The following WDR35 variants were observed in gnomAD, a reference collection of about 807,000 sequenced individuals.
WDR35 encodes the protein WD repeat domain 35, also known as WD repeat-containing protein 35.
WDR35 carries 118 observed loss-of-function variants against 158.3 expected under a neutral mutation model. That is an observed-to-expected ratio of 0.75 (90% CI 0.64 to 0.87). The LOEUF (loss-of-function observed/expected upper bound fraction) is 0.87, where lower values mean the gene tolerates loss of function less well. Ranked by LOEUF, WDR35 falls within the 40% of genes least tolerant of loss-of-function variation. The pLI is 0.00. For missense variants in WDR35, 1,263 were observed against 1,405.8 expected, an observed-to-expected ratio of 0.90 and a Z score of 1.62; for synonymous variants, 448 against 476.1, an observed-to-expected ratio of 0.94 and a Z score of 0.77.
At chr2:19,943,909 T>C (rs1670954487) in intron 16 of WDR35, among the ~76,000 whole-genome samples, 1 of 152,100 alleles carries the variant, frequency 6.6e-6, no homozygotes, top group African/African-American at 2.4e-5. Context: ...TAGATAAAGG[T>C]ATGAATCTAG....
chr2:19,936,407 A>T, intron 19 of WDR35, 42 bp from the exon 20 acceptor site: 1 of 1,613,358 alleles, frequency 6.2e-7, no homozygotes, highest in Non-Finnish European at 8.5e-7. Flanking sequence ...TCTATTTGAC[A>T]AATATTTACC....
intron 4 of WDR35, among the ~76,000 whole-genome samples, chr2:19,979,455 G>A (rs1001793337): frequency 3.3e-5 from 5 of 152,114 alleles, no homozygotes; most frequent in African/African-American, 1.2e-4. Flanking sequence ...CTACATTAGT[G>A]ACACGACATC....
Position 19,941,802 on chromosome 2 carries a change from T to C in WDR35, c.1883A>G (p.Glu628Gly). Reference protein sequence around the residue: ...IQTSGYICNFEDLEIKSVLLD... With the variant: ...IQTSGYICNFGDLEIKSVLLD... The stretch of plus-strand genomic sequence containing the variant: ...AAGAACAGATTTAATTTCTAAATCC[T>C]CAAAATTACAAATATATCCAGAGGT... Residue 628 changes from glutamate (E) to glycine (G), a missense_variant, in exon 17 of 27, where the codon GAG becomes GGG. Coordinates refer to ENST00000281405, the MANE Select transcript of WDR35 (RefSeq NM_020779.4). 1 of 1,574,998 alleles carries C rather than the reference T, an allele frequency of 6.3e-7. No individual in the cohort carries two copies. The highest frequency in any genetic ancestry group is 8.7e-7 in the Non-Finnish European group (1 of 1,152,818).
chr2:19,955,253 T>C (rs1671390529), intron 11 of WDR35, among the ~76,000 whole-genome samples: 2 of 152,182 alleles, frequency 1.3e-5, no homozygotes, highest in Non-Finnish European at 2.9e-5. Flanking sequence ...CCTGGCCACA[T>C]CTTATATTTC....
intron 16 of WDR35, among the ~76,000 whole-genome samples, chr2:19,945,337 A>G (rs1671012143): frequency 6.6e-6 from 1 of 152,218 alleles, no homozygotes; most frequent in Non-Finnish European, 1.5e-5. Context: ...TGGTAAATGT[A>G]AATATAAATA....
intron 11 of WDR35, among the ~76,000 whole-genome samples, chr2:19,957,894 C>T (rs1671499818): frequency 6.6e-6 from 1 of 152,156 alleles, no homozygotes; most frequent in Non-Finnish European, 1.5e-5. Flanking sequence ...CTTTCATTAA[C>T]TGAACTTTGT....
chr2:19,925,186 G>A (rs1670317708), intron 25 of WDR35, among the ~76,000 whole-genome samples: 1 of 152,210 alleles, frequency 6.6e-6, no homozygotes, highest in Non-Finnish European at 1.5e-5. Context: ...GGGACAATAG[G>A]ATTACTTTTA....
At chr2:19,930,088 G>GTA (rs1476546234) in intron 25 of WDR35, among the ~76,000 whole-genome samples, 1 of 149,972 alleles carries the variant, frequency 6.7e-6, no homozygotes, top group Non-Finnish European at 1.5e-5. Context: ...ATAGATATAT[G>GTA]TATATATATT....
At chr2:19,960,529 G>T (rs368439301) in intron 11 of WDR35, 25 bp downstream of exon 11, 8 of 1,568,516 alleles carry the variant, frequency 5.1e-6, no homozygotes, top group Middle Eastern at 1.7e-4. Flanking sequence ...GATTGGAAAA[G>T]AAATAAATAT....
In WDR35 at chr2:19,937,873, C is replaced by T. The variant is rs778732776; in HGVS notation, c.2137G>A (p.Asp713Asn). 26 of 1,614,050 alleles carry T rather than the reference C, an allele frequency of 1.6e-5. No individual in the cohort carries two copies. Among genetic ancestry groups the T allele is most frequent in the Admixed American group, 3.3e-5 (2 of 59,976 alleles). Residue 713 changes from aspartate to asparagine, a missense_variant, in exon 19 of 27, where the codon GAT (aspartate) becomes AAT (asparagine). Physicochemically the swap from Asp to Asn is conservative, Grantham distance 23. Transcript: ENST00000281405. ...TTCACAAACTTAATGCCTTGGTAAT[C>T]TTTGCAGCGCACAAATGCTTGCTCT... is the stretch of plus-strand genomic sequence containing the variant. The part of the protein sequence containing the change: ...TAEQAFVRCK[D>N]YQGIKFVKRL...
In WDR35 at chr2:19,954,032, T is replaced by C. The variant is rs16987251; in HGVS notation, c.1256-54A>G. 3.9e-3 allele frequency: 6,263 copies of C among 1,605,482 alleles called. 190 individuals carry two copies. The African/African-American group carries it at 0.071, about 18-fold the overall frequency. On this transcript the variant is annotated intron_variant, in intron 11 of 26. Coordinates refer to ENST00000281405, the MANE Select transcript of WDR35 (RefSeq NM_020779.4). ...CAGTTACACAGAATTGCAGAATGCT[T>C]GTGCTGCAAAGGCCTTTAGTAATCA... is the stretch of plus-strand genomic sequence containing the variant.
chr2:19,960,848 CTG>C lies in WDR35; in HGVS notation c.1195-236_1195-235del, dbSNP rs913801465. 3.7e-4 allele frequency among the ~76,000 whole-genome samples: 57 copies of C among 152,258 alleles called. 1 individual carries two copies. In the Middle Eastern group the frequency reaches 0.014, roughly 36 times the overall value. On this transcript the variant is annotated intron_variant, in intron 10 of 26. Coordinates refer to ENST00000281405, the MANE Select transcript of WDR35 (RefSeq NM_020779.4). ...GCTGCTTTCTCAATGTAATGGAACA[CTG>C]TGGTTTTTAAGAAGACACAAGAAAC...
At chr2:19,932,027 A>C (rs1057340005) in intron 23 of WDR35, among the ~76,000 whole-genome samples, 2 of 152,146 alleles carry the variant, frequency 1.3e-5, no homozygotes, top group African/African-American at 4.8e-5. Context: ...TTGCAGTCTC[A>C]GTAATTTCTT....
At chr2:19,977,130 C>T (rs1672243157) in intron 5 of WDR35, among the ~76,000 whole-genome samples, 1 of 152,152 alleles carries the variant, frequency 6.6e-6, no homozygotes, top group Admixed American at 6.5e-5. Context: ...CTGTCCCCAG[C>T]CTAAATGTTG....
At chr2:19,926,630 T>G (rs1359841314) in intron 25 of WDR35, among the ~76,000 whole-genome samples, 3 of 149,186 alleles carry the variant, frequency 2.0e-5, no homozygotes, top group Non-Finnish European at 4.5e-5. Flanking sequence ...CATTATTAAC[T>G]TTAAATTTTT....
rs1452002883 is a variant in WDR35, at chr2:19,974,454, G to C, written c.736+14C>G. On this transcript the variant is annotated intron_variant, in intron 7 of 26. Coordinates refer to ENST00000281405, the MANE Select transcript of WDR35 (RefSeq NM_020779.4). Reference sequence around the variant, plus strand: ...AGAAATTAAAAAAATTTTTTAAACAGAAAAATTCCTTACTTTGGTCATTCT... The same window carrying C: ...AGAAATTAAAAAAATTTTTTAAACACAAAAATTCCTTACTTTGGTCATTCT... 1 of 1,575,354 alleles carries C rather than the reference G, an allele frequency of 6.3e-7. No homozygotes were observed. The highest frequency in any genetic ancestry group is 8.6e-7 in the Non-Finnish European group (1 of 1,164,516).
chr2:19,927,035 A>C (rs1572319020), intron 25 of WDR35, among the ~76,000 whole-genome samples: 1 of 152,180 alleles, frequency 6.6e-6, no homozygotes, highest in Non-Finnish European at 1.5e-5. Flanking sequence ...GCGGAAGAAA[A>C]CCTGAGGAAA....
At chr2:19,935,728 C>T in intron 20 of WDR35, 125 bp from the exon 21 acceptor site, 1 of 1,132,860 alleles carries the variant, frequency 8.8e-7, no homozygotes, top group East Asian at 2.6e-5. Context: ...TTATCTTCAG[C>T]TTCAGAATAA....
At chr2:19,955,109 C>T (rs531450117) in intron 11 of WDR35, among the ~76,000 whole-genome samples, 3 of 152,184 alleles carry the variant, frequency 2.0e-5, no homozygotes, top group East Asian at 3.9e-4. Context: ...CGCACCACCA[C>T]GCCCAGCTAA....
Sources: gnomAD v4.1 joint callset for allele counts (sites outside exome capture counted in the v4.1 genomes callset) on GRCh38, gnomAD v4.1.1 for gene constraint, MANE v1.5 for transcripts, NCBI Gene and HGNC (gene_info 2026-07-23, HGNC 2026-07-21) for gene names.